The following TMEM117 variants were observed in gnomAD, a reference collection of about 807,000 sequenced individuals.
TMEM117 encodes transmembrane protein 117.
In TMEM117, 27 loss-of-function variants were observed where a neutral mutation model predicts 52.4. The ratio of observed to expected loss-of-function variants is 0.51; its 90% CI spans 0.38 to 0.71. The LOEUF (loss-of-function observed/expected upper bound fraction) is 0.71. Ranked by LOEUF, TMEM117 falls within the 30% of genes least tolerant of loss-of-function variation. The pLI is 0.00. For synonymous variants in TMEM117, 215 were observed against 206.3 expected (o/e 1.04, Z -0.36); for missense variants, 556 against 630.5 (o/e 0.88, Z 1.26).
At chr12:44,213,556 C>T (rs1310978525) in intron 5 of TMEM117, among the ~76,000 whole-genome samples, 1 of 152,146 alleles carries the variant, frequency 6.6e-6, no homozygotes, top group African/African-American at 2.4e-5. Flanking sequence ...ACTCTATGTC[C>T]CCACCCAAAT....
At chr12:43,998,704 G>A (rs1946070616) in intron 3 of TMEM117, among the ~76,000 whole-genome samples, 1 of 152,160 alleles carries the variant, frequency 6.6e-6, no homozygotes, top group Non-Finnish European at 1.5e-5. Context: ...AATAATGAAA[G>A]AAAATATTTG....
At position 44,298,933 on chromosome 12, in the gene TMEM117, T is replaced by C. The variant is rs1401002236; in HGVS notation, c.609-647T>C. 2.0e-5 allele frequency among the ~76,000 whole-genome samples: 3 copies of C among 150,594 alleles called. 1 individual carries two copies. Among genetic ancestry groups the C allele is most frequent in the African/African-American group, 5.0e-5 (2 of 39,922 alleles). On this transcript the variant is annotated intron_variant, in intron 5 of 7. Coordinates refer to ENST00000266534, the MANE Select transcript of TMEM117 (RefSeq NM_032256.3). ...TTCCTCACCCATTCACCATCTGCCT[T>C]ATCTTCTTACATTGCATGTCCACTA...
rs764212456 is a variant in TMEM117 at position 44,299,601 on chromosome 12, G to A, written c.630G>A (p.Thr210=). The A allele has an allele frequency of 2.6e-5, 42 of 1,613,986 alleles. No homozygotes were observed. Among genetic ancestry groups the A allele is most frequent in the Admixed American group, 1.0e-4 (6 of 59,994 alleles). The part of the protein sequence containing the change: ...TLFWTVLFTL[T]SVVVLVITTD... ...ACAGGACAGTTCTTTTTACTCTGAC[G>A]TCTGTGGTTGTACTTGTGATTACAA... is the stretch of plus-strand genomic sequence containing the variant. Residue 210 remains threonine, a synonymous_variant, in exon 6 of 8, where the codon ACG becomes ACA. Coordinates refer to ENST00000266534, the MANE Select transcript of TMEM117 (RefSeq NM_032256.3).
Position 44,267,519 on chromosome 12 carries a change from G to T in TMEM117, c.609-32061G>T, listed in dbSNP as rs141732237. 7.2e-3 allele frequency among the ~76,000 whole-genome samples: 1,100 copies of T among 152,138 alleles called. 20 individuals carry two copies. Among genetic ancestry groups the T allele is most frequent in the African/African-American group, 0.026 (1,061 of 41,510 alleles). On this transcript the variant is annotated intron_variant, in intron 5 of 7. Transcript: ENST00000266534. ...GCTCCCAATTTCTTTATTATTATTT[G>T]TATGATAAGAATAATTAATGTTAAG...
rs1344424794 is a variant in TMEM117 at position 44,312,410 on chromosome 12, A to T, written c.768+12671A>T. Among the ~76,000 whole-genome samples, 5 of 152,006 alleles carry T rather than the reference A, an allele frequency of 3.3e-5. No homozygotes were observed. In the East Asian group the frequency reaches 9.6e-4, roughly 29 times the overall value. On this transcript the variant is annotated intron_variant, in intron 6 of 7. Coordinates refer to ENST00000266534, the MANE Select transcript of TMEM117 (RefSeq NM_032256.3). ...ATTTACTTAGGATGACGGCCTTCAG[A>T]TGAATCTATGTTGCTGCAAAGGACA...
chr12:44,288,042 A>G (rs1950658437), intron 5 of TMEM117, among the ~76,000 whole-genome samples: 2 of 152,318 alleles, frequency 1.3e-5, no homozygotes, highest in East Asian at 1.9e-4. Context: ...CTCTTTTTAT[A>G]TGACCTAACT....
intron 2 of TMEM117, among the ~76,000 whole-genome samples, chr12:43,848,308 C>T (rs541839618): frequency 4.7e-4 from 72 of 152,172 alleles, no homozygotes; most frequent in African/African-American, 1.6e-3. Context: ...TTCCTCAACC[C>T]TAGTAAGCCT....
chr12:44,048,579 G>A (rs1946916479), intron 3 of TMEM117, among the ~76,000 whole-genome samples: 1 of 152,084 alleles, frequency 6.6e-6, no homozygotes, highest in African/African-American at 2.4e-5. Context: ...TGGCTACTAT[G>A]GATCAAAATG....
At chr12:44,354,658 G>T in intron 6 of TMEM117, among the ~76,000 whole-genome samples, 1 of 151,800 alleles carries the variant, frequency 6.6e-6, no homozygotes, top group Non-Finnish European at 1.5e-5. Flanking sequence ...AGGTATTGAT[G>T]GGACGTATCT....
At chr12:44,131,378 T>G (rs1478051113) in intron 3 of TMEM117, among the ~76,000 whole-genome samples, 1 of 152,110 alleles carries the variant, frequency 6.6e-6, no homozygotes, top group Non-Finnish European at 1.5e-5. Context: ...TCATTTTAAT[T>G]TTTTTGAGAC....
downstream of TMEM117, among the ~76,000 whole-genome samples, chr12:44,390,879 C>T (rs1033288164): frequency 2.0e-5 from 3 of 152,010 alleles, no homozygotes; most frequent in Non-Finnish European, 2.9e-5. Context: ...AAAATTAAAT[C>T]CATTCACATT....
rs187268283 is a variant in TMEM117 at position 43,895,002 on chromosome 12, T to C, written c.278-49208T>C. Among the ~76,000 whole-genome samples the C allele has an allele frequency of 1.2e-4, 18 of 152,306 alleles. 1 individual carries two copies. In the East Asian group the frequency reaches 3.5e-3, roughly 29 times the overall value. On this transcript the variant is annotated intron_variant, in intron 2 of 7. Transcript: ENST00000266534. ...GATTGAACATTTTGCTTTTTTTAAC[T>C]TTTATTTTAAGTTCAGGGCTATAAG...
At chr12:44,069,597 G>A (rs1025567720) in intron 3 of TMEM117, among the ~76,000 whole-genome samples, 3 of 152,162 alleles carry the variant, frequency 2.0e-5, no homozygotes, top group Non-Finnish European at 2.9e-5. Context: ...ACTGAGTAGG[G>A]CTTTAGGGTC....
chr12:44,149,113 T>A (rs1313780599), intron 4 of TMEM117, among the ~76,000 whole-genome samples: 4 of 152,186 alleles, frequency 2.6e-5, no homozygotes, highest in African/African-American at 9.6e-5. Flanking sequence ...ATGTCATTCT[T>A]GAGTGTAAAT....
intron 5 of TMEM117, among the ~76,000 whole-genome samples, chr12:44,238,202 AGAGTT>A (rs1338832894): frequency 1.3e-4 from 20 of 152,330 alleles, no homozygotes; most frequent in Admixed American, 3.9e-4. Flanking sequence ...AAAAGTTAAA[AGAGTT>A]GAGCATAGGA....
chr12:44,233,754 C>T (rs1463521026), intron 5 of TMEM117, among the ~76,000 whole-genome samples: 1 of 151,210 alleles, frequency 6.6e-6, no homozygotes, highest in African/African-American at 2.4e-5. Flanking sequence ...CAAATTTTAT[C>T]ACATTAGTGT....
intron 3 of TMEM117, chr12:44,009,229 G>C (rs1411605015): frequency 5.4e-5 from 15 of 276,202 alleles, no homozygotes; most frequent in South Asian, 2.3e-4. Flanking sequence ...TTTCATTCTG[G>C]TCTGTTTTGA....
chr12:44,051,308 A>C (rs919255023), intron 3 of TMEM117, among the ~76,000 whole-genome samples: 3 of 152,150 alleles, frequency 2.0e-5, no homozygotes, highest in South Asian at 4.1e-4. Flanking sequence ...GAGGATACTA[A>C]TAATAATAAT....
chr12:43,875,084 C>G (rs1406270075), intron 2 of TMEM117, among the ~76,000 whole-genome samples: 1 of 152,142 alleles, frequency 6.6e-6, no homozygotes, highest in Non-Finnish European at 1.5e-5. Flanking sequence ...TAATTTTGAG[C>G]TGCAAGTAAT....
Sources: allele counts gnomAD v4.1 joint callset (sites outside exome capture counted in the v4.1 genomes callset), GRCh38; gene constraint gnomAD v4.1.1; transcripts MANE v1.5; gene names NCBI Gene and HGNC (gene_info 2026-07-23, HGNC 2026-07-21).